Variants in TTC39C observed in about 807,000 individuals in gnomAD.
TTC39C encodes tetratricopeptide repeat protein 39C.
In TTC39C, 33 loss-of-function variants were observed where a neutral mutation model predicts 76.3. The ratio of observed to expected loss-of-function variants is 0.43; its 90% CI spans 0.33 to 0.58. The LOEUF (loss-of-function observed/expected upper bound fraction) is 0.58. TTC39C is among the 20% of genes least tolerant of loss of function. TTC39C has a pLI of 0.04. For synonymous variants in TTC39C, 254 were observed against 260.6 expected (o/e 0.97, Z 0.24); for missense variants, 595 against 701.4 (o/e 0.85, Z 1.71).
rs61658056 is a variant in TTC39C, at chr18:24,061,239, T to TAAA, written c.168-2896_168-2894dup. 3.0e-3 allele frequency among the ~76,000 whole-genome samples: 458 copies of TAAA among 150,384 alleles called. 2 individuals carry two copies. The highest frequency in any genetic ancestry group is 7.9e-3 in the African/African-American group (322 of 40,768). On this transcript the variant is annotated intron_variant, in intron 1 of 13. Coordinates refer to ENST00000317571, the MANE Select transcript of TTC39C (RefSeq NM_001135993.2). ...ATATTTAGTCTTCTTTTTTTTTTTT[T>TAAA]AAAAAAATAGGTTTTTCACTATGGT...
Position 24,116,650 on chromosome 18 carries a change from C to T in TTC39C, c.1079-1475C>T, listed in dbSNP as rs763297779. Among the ~76,000 whole-genome samples the T allele has an allele frequency of 1.2e-4, 19 of 152,056 alleles. 1 individual carries two copies. The highest frequency in any genetic ancestry group is 5.9e-4 in the Admixed American group (9 of 15,254). ...TATATCTCACACACTCTTCCTCCCACGGTTTAAATGGCAAGTCTCAGTTTA... is the reference window on the plus strand; with the variant it reads ...TATATCTCACACACTCTTCCTCCCATGGTTTAAATGGCAAGTCTCAGTTTA... On this transcript the variant is annotated intron_variant, in intron 7 of 13. Transcript: ENST00000317571.
At chr18:24,026,362 A>G (rs1439099130) in intron 1 of TTC39C, among the ~76,000 whole-genome samples, 4 of 152,234 alleles carry the variant, frequency 2.6e-5, no homozygotes, top group South Asian at 2.1e-4. Flanking sequence ...CTAAATCTCC[A>G]TGAATCAGGG....
chr18:24,111,516 C>A (rs1365067045), intron 6 of TTC39C, among the ~76,000 whole-genome samples: 1 of 151,438 alleles, frequency 6.6e-6, no homozygotes, highest in African/African-American at 2.4e-5. Context: ...TTGCATTGAG[C>A]CAAGATCACG....
chr18:24,053,290 C>G (rs1599277716), intron 1 of TTC39C, among the ~76,000 whole-genome samples: 1 of 107,502 alleles, frequency 9.3e-6, no homozygotes, highest in South Asian at 3.1e-4. Flanking sequence ...ACTTCCAAGA[C>G]ACCTTTCCCT....
Position 24,083,117 on chromosome 18 carries a change from T to C in TTC39C, c.984+36T>C, listed in dbSNP as rs2084397862. 3 of 1,553,978 alleles carry C rather than the reference T, an allele frequency of 1.9e-6. No individual in the cohort carries two copies. In the African/African-American group the frequency reaches 4.1e-5, roughly 21 times the overall value. On this transcript the variant is annotated intron_variant, in intron 6 of 13. Coordinates refer to ENST00000317571, the MANE Select transcript of TTC39C (RefSeq NM_001135993.2). The stretch of plus-strand genomic sequence containing the variant: ...TTCCTCATCTTTTTAAAATAAAGCC[T>C]CCGATGATCAAATCTCTGATTCTCA...
chr18:24,077,508 T>C (rs1312917992), intron 4 of TTC39C, among the ~76,000 whole-genome samples: 1 of 152,224 alleles, frequency 6.6e-6, no homozygotes, highest in Non-Finnish European at 1.5e-5. Context: ...CATTTAAATA[T>C]GTATGTTAAG....
At chr18:24,014,741 TCTCCCCTCCCCTCCC>T (rs956931369) in exon 1 of TTC39C, 4 of 1,132,670 alleles carry the variant, frequency 3.5e-6, no homozygotes, top group Non-Finnish European at 2.2e-6. Flanking sequence ...CCTCCCGTCT[TCTCCCCTCCCCTCCC>T]CTCCCCTCCC....
chr18:24,006,823 CACTT>C (rs1229008016), intron 1 of TTC39C, among the ~76,000 whole-genome samples: 1 of 152,180 alleles, frequency 6.6e-6, no homozygotes, highest in Non-Finnish European at 1.5e-5. Flanking sequence ...TCTACTATGA[CACTT>C]ACCATATTGT....
At chr18:24,051,827 G>C (rs796882150) in intron 1 of TTC39C, among the ~76,000 whole-genome samples, 2 of 152,164 alleles carry the variant, frequency 1.3e-5, no homozygotes, top group African/African-American at 4.8e-5. Context: ...AGGACAGTTC[G>C]TCAGATGAAA....
At chr18:24,073,091 A>G (rs2084261056) in intron 4 of TTC39C, among the ~76,000 whole-genome samples, 1 of 152,200 alleles carries the variant, frequency 6.6e-6, no homozygotes, top group Non-Finnish European at 1.5e-5. Flanking sequence ...CCAGAAACCC[A>G]GGTTCCTTGG....
chr18:24,013,607 A>T (rs1454450322), upstream of TTC39C, among the ~76,000 whole-genome samples: 1 of 152,244 alleles, frequency 6.6e-6, no homozygotes, highest in African/African-American at 2.4e-5. Context: ...AAGTTTCTTC[A>T]AGTTGAAATT....
intron 6 of TTC39C, among the ~76,000 whole-genome samples, chr18:24,109,176 C>CAAAAGAAA (rs2084781003): frequency 1.4e-5 from 1 of 73,898 alleles, no homozygotes; most frequent in Non-Finnish European, 2.5e-5. Context: ...CCCGTCTCTA[C>CAAAAGAAA]AAAAAAAAAA....
intron 1 of TTC39C, among the ~76,000 whole-genome samples, chr18:23,993,264 T>C (rs1417920593): frequency 2.0e-5 from 3 of 152,222 alleles, no homozygotes; most frequent in African/African-American, 7.2e-5. Flanking sequence ...CAAGACTTTC[T>C]CAGTGCCATT....
At chr18:24,090,526 T>C (rs546564096) in intron 6 of TTC39C, among the ~76,000 whole-genome samples, 6 of 152,282 alleles carry the variant, frequency 3.9e-5, no homozygotes, top group African/African-American at 9.6e-5. Context: ...ACTTTCCTAA[T>C]TGAGCTACAG....
In TTC39C at chr18:24,002,216, C is replaced by T. The variant is rs373207915; in HGVS notation, c.-17+9178C>T. 6.8e-4 allele frequency among the ~76,000 whole-genome samples: 104 copies of T among 152,176 alleles called. 3 individuals carry two copies. The South Asian group carries it at 0.021, about 30-fold the overall frequency. ...CCTCCAGTGATTGGCTCTAGGATTC[C>T]CAGGTGACACAAGCAGCACCATCAG... is the stretch of plus-strand genomic sequence containing the variant. On this transcript the variant is annotated intron_variant, in intron 1 of 13. Transcript: ENST00000304621.
rs1055986098 is a variant in TTC39C, at chr18:24,111,737, T to C, written c.985-2817T>C. ...TAGTGAGACCCCTGTCTACAAAATA[T>C]TAATTAAAAAAAAACTTAGCCAGAC... On this transcript the variant is annotated intron_variant, in intron 6 of 13. Transcript: ENST00000317571. 5.3e-5 allele frequency among the ~76,000 whole-genome samples: 8 copies of C among 151,150 alleles called. No individual in the cohort carries two copies. The East Asian group carries it at 9.8e-4, about 19-fold the overall frequency.
intron 1 of TTC39C, among the ~76,000 whole-genome samples, chr18:24,056,639 A>G (rs551948952): frequency 6.6e-6 from 1 of 152,226 alleles, no homozygotes; most frequent in South Asian, 2.1e-4. Context: ...TTCCAAGGCA[A>G]TGTTGGCGAA....
At chr18:24,034,270 C>T (rs1300575491) in intron 1 of TTC39C, among the ~76,000 whole-genome samples, 1 of 152,194 alleles carries the variant, frequency 6.6e-6, no homozygotes, top group Non-Finnish European at 1.5e-5. Flanking sequence ...GACAGAGATG[C>T]GTACTTTACA....
At chr18:24,031,010 G>A (rs904272024) in intron 1 of TTC39C, among the ~76,000 whole-genome samples, 21 of 151,548 alleles carry the variant, frequency 1.4e-4, no homozygotes, top group African/African-American at 9.7e-5. Context: ...GTGGCAGTGC[G>A]ATCTCGGCAA....
Sources: allele counts gnomAD v4.1 joint callset (sites outside exome capture counted in the v4.1 genomes callset), GRCh38; gene constraint gnomAD v4.1.1; transcripts MANE v1.5; gene names NCBI Gene and HGNC (gene_info 2026-07-23, HGNC 2026-07-21).